VRK3: variants seen among roughly 807,000 people sequenced by gnomAD.
VRK3 encodes VRK serine/threonine kinase 3.
In VRK3, 50 loss-of-function variants were observed where a neutral mutation model predicts 60.4. That is an observed-to-expected ratio of 0.83 (90% CI 0.66 to 1.05). The LOEUF (loss-of-function observed/expected upper bound fraction) is 1.05, where lower values mean the gene tolerates loss of function less well. VRK3 is among the 50% of genes least tolerant of loss of function. The pLI, the probability that VRK3 is intolerant of heterozygous loss-of-function variation, is 0.00. For missense variants in VRK3, 549 were observed against 585.3 expected (o/e 0.94, Z 0.64); for synonymous variants, 246 against 227.8 (o/e 1.08, Z -0.72).
At chr19:50,017,138 G>A (rs1250540964) in intron 2 of VRK3, among the ~76,000 whole-genome samples, 2 of 152,146 alleles carry the variant, frequency 1.3e-5, no homozygotes, top group South Asian at 2.1e-4. Flanking sequence ...AGGTTGCAGT[G>A]AACCAAGATC....
intron 2 of VRK3, among the ~76,000 whole-genome samples, chr19:50,019,508 C>T (rs1399365326): frequency 2.6e-5 from 4 of 151,634 alleles, no homozygotes; most frequent in African/African-American, 7.2e-5. Flanking sequence ...CCAGACTGTA[C>T]ACTTCTTTTT....
chr19:50,013,993 G>A (rs2077035807), intron 3 of VRK3, among the ~76,000 whole-genome samples: 1 of 152,184 alleles, frequency 6.6e-6, no homozygotes, highest in African/African-American at 2.4e-5. Context: ...ATGGCTGGGC[G>A]CAGTGGCTCA....
At chr19:49,989,045 C>T (rs2076565725) in intron 11 of VRK3, among the ~76,000 whole-genome samples, 1 of 152,204 alleles carries the variant, frequency 6.6e-6, no homozygotes, top group Admixed American at 6.5e-5. Flanking sequence ...ACAAGCACTA[C>T]TTGTCCGTGC....
intron 13 of VRK3, among the ~76,000 whole-genome samples, chr19:49,979,968 T>C (rs1445243627): frequency 1.3e-5 from 2 of 151,838 alleles, no homozygotes; most frequent in Non-Finnish European, 2.9e-5. Flanking sequence ...GAGAATGGCT[T>C]GAACCCGGGA....
At chr19:50,009,475 T>G in intron 3 of VRK3, 90 bp from the exon 4 acceptor site, 3 of 1,476,894 alleles carry the variant, frequency 2.0e-6, no homozygotes, top group Non-Finnish European at 2.7e-6. Flanking sequence ...TATACTCAGC[T>G]ATGCTGTTCT....
At chr19:49,994,970 A>C in intron 8 of VRK3, 51 bp from the exon 9 acceptor site, 1 of 1,555,222 alleles carries the variant, frequency 6.4e-7, no homozygotes, top group Non-Finnish European at 8.8e-7. Flanking sequence ...GGGAGAGAGG[A>C]GTACCGGCCG....
At chr19:49,981,869 T>G in intron 12 of VRK3, 3 of 1,188,500 alleles carry the variant, frequency 2.5e-6, no homozygotes, top group Non-Finnish European at 3.2e-6. Flanking sequence ...TATCCAAACA[T>G]TTTGAGGAGA....
intron 6 of VRK3, 166 bp from the exon 7 acceptor site, chr19:49,997,736 T>C (rs1017119249): frequency 9.7e-5 from 62 of 637,986 alleles, no homozygotes; most frequent in Non-Finnish European, 1.4e-4. Context: ...CATCAGAGAC[T>C]GCGAGCTACC....
chr19:49,981,062 A>G (rs755770329), intron 12 of VRK3, 49 bp from the exon 13 acceptor site: 1 of 1,537,808 alleles, frequency 6.5e-7, no homozygotes, highest in Non-Finnish European at 8.9e-7. Flanking sequence ...AAAGGAGAGC[A>G]ACCTTTTAAA....
chr19:49,987,428 T>C (rs539328560), intron 12 of VRK3, among the ~76,000 whole-genome samples: 3 of 150,616 alleles, frequency 2.0e-5, no homozygotes, highest in East Asian at 1.9e-4. Context: ...ATACCCCTAG[T>C]GCTCCCTCTG....
Position 49,997,792 on chromosome 19 carries a change from A to G in VRK3, c.613-222T>C, listed in dbSNP as rs1600684020. 6.1e-6 allele frequency: 3 copies of G among 494,296 alleles called. No homozygotes were observed. The East Asian group carries it at 1.0e-4, about 17-fold the overall frequency. The allele number at this position is 494,296 out of a possible 1,614,324, so 30.6% of individuals were successfully genotyped here. ...TTCTTTCTCTTATGGTAAGAGCCAC[A>G]GTGTTCCCTAGAATGTAGCCTTCAG... On this transcript the variant is annotated intron_variant, in intron 6 of 14. Coordinates refer to ENST00000316763, the MANE Select transcript of VRK3 (RefSeq NM_016440.4).
intron 2 of VRK3, among the ~76,000 whole-genome samples, chr19:50,018,175 T>C (rs183451560): frequency 7.2e-4 from 110 of 152,300 alleles, no homozygotes; most frequent in Middle Eastern, 3.4e-3. Context: ...TCCTATCTGA[T>C]AGAATGGTCG....
chr19:49,983,172 CCT>C (rs1968240893), intron 12 of VRK3, among the ~76,000 whole-genome samples: 1 of 151,846 alleles, frequency 6.6e-6, no homozygotes, highest in Admixed American at 6.6e-5. Context: ...CACTGGCCAC[CCT>C]CTGACTCCAT....
At chr19:50,007,947 T>G (rs552794165) in intron 4 of VRK3, 121 bp from the exon 5 acceptor site, 1 of 1,395,754 alleles carries the variant, frequency 7.2e-7, no homozygotes, top group Admixed American at 2.3e-5. Context: ...AAACATTTCC[T>G]GGGACCTTCT....
intron 1 of VRK3, among the ~76,000 whole-genome samples, chr19:50,023,682 T>C (rs2077207914): frequency 1.3e-5 from 2 of 151,998 alleles, no homozygotes; most frequent in South Asian, 4.2e-4. Flanking sequence ...GGTCTACGTC[T>C]GCTGAGTGAA....
intron 1 of VRK3, among the ~76,000 whole-genome samples, chr19:50,021,463 G>C (rs1264452351): frequency 6.6e-6 from 1 of 152,208 alleles, no homozygotes; most frequent in East Asian, 1.9e-4. Flanking sequence ...GCATGAGGCA[G>C]CCTAAAGTAG....
intron 12 of VRK3, chr19:49,981,989 G>T: frequency 1.6e-6 from 1 of 640,304 alleles, no homozygotes; most frequent in Non-Finnish European, 2.8e-6. Context: ...GGGGGCCAGC[G>T]GGGCCGTCAA....
chr19:49,991,710 T>C (rs528704556), intron 10 of VRK3, among the ~76,000 whole-genome samples: 2 of 152,306 alleles, frequency 1.3e-5, no homozygotes, highest in South Asian at 4.1e-4. Context: ...GGCAATTTTG[T>C]CACCATGAGG....
chr19:49,979,026 G>C, intron 14 of VRK3, 57 bp downstream of exon 14: 1 of 1,513,030 alleles, frequency 6.6e-7, no homozygotes, highest in Non-Finnish European at 8.9e-7. Flanking sequence ...GGAGCCTGGG[G>C]CAGGGCTCGG....
Sources: gnomAD v4.1 joint callset for allele counts (sites outside exome capture counted in the v4.1 genomes callset) on GRCh38, gnomAD v4.1.1 for gene constraint, MANE v1.5 for transcripts, NCBI Gene and HGNC (gene_info 2026-07-23, HGNC 2026-07-21) for gene names.